Variants in CEP112 observed in about 807,000 individuals in gnomAD.
CEP112 encodes centrosomal protein 112, also known as centrosomal protein of 112 kDa.
Under a neutral mutation model 153.0 loss-of-function variants are expected in CEP112, and 127 were observed. The ratio of observed to expected loss-of-function variants is 0.83; its 90% CI spans 0.72 to 0.96. The LOEUF (loss-of-function observed/expected upper bound fraction) is 0.96, where lower values mean the gene tolerates loss of function less well. CEP112 is among the 40% of genes least tolerant of loss of function. The probability of loss-of-function intolerance (pLI) is 0.00; values close to 1 mark genes in which losing one functional copy is unlikely to be tolerated. For missense variants in CEP112, 1,089 were observed against 1,101.2 expected (o/e 0.99, Z 0.16); for synonymous variants, 358 against 374.4 (o/e 0.96, Z 0.51).
At chr17:66,168,393 GTA>G (rs1224123728) in intron 4 of CEP112, among the ~76,000 whole-genome samples, 4 of 146,396 alleles carry the variant, frequency 2.7e-5, no homozygotes, top group Non-Finnish European at 4.6e-5. Context: ...ATATGTGTGT[GTA>G]TATATATGTG....
At chr17:66,147,542 T>A (rs1390719839) in intron 4 of CEP112, among the ~76,000 whole-genome samples, 5 of 152,146 alleles carry the variant, frequency 3.3e-5, no homozygotes, top group Admixed American at 2.6e-4. Context: ...TCTTTTTTTT[T>A]ATTTGTCTGT....
intron 17 of CEP112, among the ~76,000 whole-genome samples, chr17:65,977,558 C>T (rs2063081042): frequency 6.6e-6 from 1 of 152,134 alleles, no homozygotes. Flanking sequence ...ATGAATGTGG[C>T]AGAGAAGGGA....
At chr17:66,091,967 A>T (rs1253695413) in intron 8 of CEP112, among the ~76,000 whole-genome samples, 1 of 152,126 alleles carries the variant, frequency 6.6e-6, no homozygotes, top group Non-Finnish European at 1.5e-5. Context: ...ACGTATGATG[A>T]CTGAATCATG....
At chr17:65,786,527 T>C (rs1268053089) in intron 21 of CEP112, among the ~76,000 whole-genome samples, 1 of 151,976 alleles carries the variant, frequency 6.6e-6, no homozygotes, top group African/African-American at 2.4e-5. Context: ...TATGGGCTAC[T>C]GATATTTACA....
intron 19 of CEP112, chr17:65,903,158 G>A (rs1336478430): frequency 6.6e-6 from 1 of 152,258 alleles, no homozygotes; most frequent in Non-Finnish European, 1.5e-5. Flanking sequence ...ACGGCAGGAA[G>A]CCAGCTTCCC....
intron 23 of CEP112, among the ~76,000 whole-genome samples, chr17:65,714,553 A>G (rs940290089): frequency 2.0e-5 from 3 of 152,006 alleles, no homozygotes; most frequent in African/African-American, 7.3e-5. Flanking sequence ...CGCTTTCCCC[A>G]GCTCCTAAAA....
chr17:65,919,641 G>GA (rs770360245), intron 19 of CEP112, among the ~76,000 whole-genome samples: 1 of 152,038 alleles, frequency 6.6e-6, no homozygotes, highest in Non-Finnish European at 1.5e-5. Context: ...CAGATGAACA[G>GA]AAAGTCCCAG....
chr17:66,066,517 A>T (rs553375992), intron 10 of CEP112, among the ~76,000 whole-genome samples: 1 of 152,042 alleles, frequency 6.6e-6, no homozygotes, highest in East Asian at 1.9e-4. Flanking sequence ...TACTCTTCCA[A>T]CTCTGTATCT....
chr17:66,163,334 T>C (rs1387740652), intron 4 of CEP112, among the ~76,000 whole-genome samples: 1 of 152,210 alleles, frequency 6.6e-6, no homozygotes, highest in African/African-American at 2.4e-5. Flanking sequence ...TGAGAACTTC[T>C]GATTTTCTGT....
intron 21 of CEP112, among the ~76,000 whole-genome samples, chr17:65,831,940 CA>C (rs34451642): frequency 0.74 from 112,374 of 152,016 alleles, 41,792 homozygotes; most frequent in East Asian, 0.87. Flanking sequence ...CATAATTGGA[CA>C]AAAAACAATC....
At chr17:66,121,704 T>TG (rs1317619439) in intron 6 of CEP112, among the ~76,000 whole-genome samples, 2 of 151,986 alleles carry the variant, frequency 1.3e-5, no homozygotes, top group Non-Finnish European at 2.9e-5. Context: ...TTTTTTTTTT[T>TG]GCTTTTTGTT....
intron 21 of CEP112, among the ~76,000 whole-genome samples, chr17:65,773,216 G>A (rs1186051293): frequency 6.6e-6 from 1 of 152,226 alleles, no homozygotes; most frequent in Non-Finnish European, 1.5e-5. Flanking sequence ...GAGGCTGCAA[G>A]CTTCTTTCCT....
chr17:65,636,544 C>G (rs2044777050), intron 26 of CEP112: 1 of 155,526 alleles, frequency 6.4e-6, no homozygotes, highest in African/African-American at 2.4e-5. Context: ...GTCCTCTTGT[C>G]CAGGTAAGGC....
intron 8 of CEP112, among the ~76,000 whole-genome samples, chr17:66,091,641 A>G (rs547402214): frequency 5.9e-5 from 9 of 152,276 alleles, no homozygotes; most frequent in Non-Finnish European, 1.0e-4. Flanking sequence ...CTAAAAGAAC[A>G]ATCTAAGTCC....
intron 20 of CEP112, among the ~76,000 whole-genome samples, chr17:65,854,644 T>C (rs1468260237): frequency 6.6e-6 from 1 of 152,220 alleles, no homozygotes; most frequent in African/African-American, 2.4e-5. Context: ...GAGGACTTTA[T>C]ATAAAAGGCT....
At chr17:65,995,314 A>G (rs1043489753) in intron 17 of CEP112, among the ~76,000 whole-genome samples, 1 of 152,176 alleles carries the variant, frequency 6.6e-6, no homozygotes, top group Non-Finnish European at 1.5e-5. Flanking sequence ...AATGTTGGAC[A>G]AAGGAGAATG....
chr17:66,122,256 T>C (rs2069635077), intron 6 of CEP112, among the ~76,000 whole-genome samples: 1 of 152,198 alleles, frequency 6.6e-6, no homozygotes, highest in Non-Finnish European at 1.5e-5. Flanking sequence ...ACATTTATAA[T>C]GGCTATTTTG....
chr17:65,849,879 C>T (rs1024743022), intron 21 of CEP112, among the ~76,000 whole-genome samples: 12 of 152,062 alleles, frequency 7.9e-5, no homozygotes, highest in Non-Finnish European at 1.0e-4. Context: ...CCTGGCCTGG[C>T]GCGGTGGCTT....
Position 65,689,210 on chromosome 17 carries a change from T to C in CEP112, c.2616A>G (p.Gln872=), listed in dbSNP as rs375531716. 8 of 1,608,374 alleles carry C rather than the reference T, an allele frequency of 5.0e-6. No homozygotes were observed. The African/African-American group carries it at 1.1e-4, about 22-fold the overall frequency. ...GATTAGAACGGTTTTCTAATTCATC[T>C]TGTAAAACCTGAAACGGTATAAAAT... is the stretch of plus-strand genomic sequence containing the variant. ...RDNDQAIKVL[Q]DELENRSNQV... is the part of the protein sequence containing the mutation. The change falls in exon 24 of 27, where the codon CAA becomes CAG. Residue 872 remains glutamine (Q), a synonymous_variant. Transcript: ENST00000535342.
Sources: allele counts gnomAD v4.1 joint callset (sites outside exome capture counted in the v4.1 genomes callset), GRCh38; gene constraint gnomAD v4.1.1; transcripts MANE v1.5; gene names NCBI Gene and HGNC (gene_info 2026-07-23, HGNC 2026-07-21).